Variants in GOLGA5 observed in about 807,000 individuals in gnomAD.
GOLGA5 encodes golgin A5.
In GOLGA5, 50 loss-of-function variants were observed where a neutral mutation model predicts 93.5. The ratio of observed to expected loss-of-function variants is 0.53; its 90% CI spans 0.43 to 0.68. The LOEUF (loss-of-function observed/expected upper bound fraction) is 0.68. Among genes scored for constraint, GOLGA5 ranks in the 30% least tolerant of loss-of-function variants. The pLI is 0.00. For synonymous variants in GOLGA5, 312 were observed against 304.5 expected, an observed-to-expected ratio of 1.02 and a Z score of -0.26; for missense variants, 760 against 856.4, an observed-to-expected ratio of 0.89 and a Z score of 1.40.
At chr14:92,822,575 T>C (rs1885337654) in intron 8 of GOLGA5, among the ~76,000 whole-genome samples, 1 of 152,212 alleles carries the variant, frequency 6.6e-6, no homozygotes, top group Admixed American at 6.5e-5. Flanking sequence ...GCCTTTTGTC[T>C]ATAATATGAA....
chr14:92,817,581 T>C (rs952666572), intron 7 of GOLGA5, among the ~76,000 whole-genome samples: 2 of 152,180 alleles, frequency 1.3e-5, no homozygotes, highest in African/African-American at 4.8e-5. Context: ...GACATAAATA[T>C]CGTAGGAAGG....
At chr14:92,818,665 C>G (rs1418956676) in intron 7 of GOLGA5, among the ~76,000 whole-genome samples, 1 of 152,188 alleles carries the variant, frequency 6.6e-6, no homozygotes, top group Non-Finnish European at 1.5e-5. Context: ...ATCTGGGCAT[C>G]TTGTTAGTCT....
At chr14:92,820,711 C>T (rs966544502) in intron 8 of GOLGA5, among the ~76,000 whole-genome samples, 7 of 152,140 alleles carry the variant, frequency 4.6e-5, no homozygotes, top group African/African-American at 9.7e-5. Context: ...CCTGGTTTAT[C>T]GAGACTGGAG....
intron 10 of GOLGA5, among the ~76,000 whole-genome samples, chr14:92,834,926 CTG>C (rs1346860472): frequency 1.3e-5 from 2 of 152,014 alleles, no homozygotes; most frequent in Admixed American, 1.3e-4. Context: ...TGAAGGTGGA[CTG>C]AGAATTTATT....
chr14:92,812,375 C>T (rs1196670593), intron 6 of GOLGA5, among the ~76,000 whole-genome samples: 1 of 152,162 alleles, frequency 6.6e-6, no homozygotes. Context: ...CCTTCTGGCT[C>T]AGCTTACTCA....
rs1884665675 is a variant in GOLGA5 at position 92,794,334 on chromosome 14, A to G, written c.-153A>G. 1 of 152,374 alleles carries G rather than the reference A, an allele frequency of 6.6e-6. No individual in the cohort carries two copies. The highest frequency in any genetic ancestry group is 2.1e-4 in the South Asian group (1 of 4,842). 9.4% of individuals were successfully genotyped at this position (152,374 alleles called of 1,614,324 possible). A position where few individuals can be genotyped will look rare whatever the true frequency, so the allele number is the denominator to read the frequency against. On this transcript the variant is annotated 5_prime_UTR_variant, in exon 1 of 13. Coordinates refer to ENST00000163416, the MANE Select transcript of GOLGA5 (RefSeq NM_005113.4). ...CCCTTCCACGTCTCCCGGAAGCGGT[A>G]GCAGGGCCCCGGCGGGTCGGGGAGG... is the stretch of plus-strand genomic sequence containing the variant.
intron 1 of GOLGA5, among the ~76,000 whole-genome samples, chr14:92,795,281 T>G (rs376897105): frequency 1.3e-5 from 2 of 152,212 alleles, no homozygotes; most frequent in Admixed American, 6.5e-5. Flanking sequence ...ATCTCCATTT[T>G]CATTTGATTT....
intron 2 of GOLGA5, among the ~76,000 whole-genome samples, chr14:92,799,982 G>T (rs1375970262): frequency 6.6e-6 from 1 of 152,156 alleles, no homozygotes; most frequent in South Asian, 2.1e-4. Context: ...TCATTGTCTT[G>T]GCTGTTAGTG....
intron 5 of GOLGA5, chr14:92,810,582 ATAGT>A (rs1426321232): frequency 1.7e-5 from 6 of 348,264 alleles, no homozygotes; most frequent in Middle Eastern, 7.3e-4. Flanking sequence ...GACAATTAAA[ATAGT>A]TAATGTGCAT....
intron 1 of GOLGA5, 91 bp from the exon 2 acceptor site, chr14:92,797,317 A>G: frequency 1.4e-6 from 1 of 708,802 alleles, no homozygotes. Context: ...TAGGATTTCA[A>G]CCCAGGATTG....
chr14:92,814,277 G>T (rs192101766), intron 6 of GOLGA5, among the ~76,000 whole-genome samples: 2 of 152,230 alleles, frequency 1.3e-5, no homozygotes, highest in East Asian at 3.9e-4. Flanking sequence ...TACTGAGAAG[G>T]TGAGTGGTCA....
chr14:92,815,697 A>AACTTT lies in GOLGA5; in HGVS notation c.1321-554_1321-553insACTTT, dbSNP rs1885187785. Among the ~76,000 whole-genome samples the AACTTT allele has an allele frequency of 4.5e-5, 6 of 132,312 alleles. No homozygotes were observed. In the Admixed American group the frequency reaches 5.2e-4, roughly 11 times the overall value. 86.8% of individuals were successfully genotyped at this position (132,312 alleles called of 152,430 possible). A position where few individuals can be genotyped will look rare whatever the true frequency, so the allele number is the denominator to read the frequency against. ...AATAAATAAACACAAATTTTTTTTA[A>AACTTT]TCTTTTTTTTTTTTTTTTTTTTTTT... On this transcript the variant is annotated intron_variant, in intron 6 of 12. Transcript: ENST00000163416.
chr14:92,798,044 C>A, intron 2 of GOLGA5, 63 bp downstream of exon 2: 2 of 1,063,796 alleles, frequency 1.9e-6, no homozygotes, highest in Non-Finnish European at 2.8e-6. Flanking sequence ...ATCATATGAT[C>A]CGATGGTGTT....
rs755394509 is a variant in GOLGA5 at position 92,837,452 on chromosome 14, A to G, written c.2115+3A>G. The G allele has an allele frequency of 7.9e-7, 1 of 1,269,954 alleles. No homozygotes were observed. The highest frequency in any genetic ancestry group is 1.1e-6 in the Non-Finnish European group (1 of 878,406). 78.7% of individuals were successfully genotyped at this position (1,269,954 alleles called of 1,614,324 possible). On this transcript the variant is annotated splice_donor_region_variant and intron_variant, in intron 12 of 12. Transcript: ENST00000163416. ...GAGTTTTTGTAATTATATATATGGTAAGTAAATTTATTTGAAAAAACAATG... is the reference window on the plus strand; with the variant it reads ...GAGTTTTTGTAATTATATATATGGTGAGTAAATTTATTTGAAAAAACAATG...
chr14:92,837,844 A>G (rs1885678802), intron 12 of GOLGA5, among the ~76,000 whole-genome samples: 1 of 152,188 alleles, frequency 6.6e-6, no homozygotes, highest in South Asian at 2.1e-4. Flanking sequence ...GATTTCAGGA[A>G]TGCGCCAACG....
chr14:92,833,442 A>T, intron 10 of GOLGA5, 95 bp downstream of exon 10: 2 of 879,816 alleles, frequency 2.3e-6, no homozygotes, highest in Non-Finnish European at 3.7e-6. Context: ...AACTTCATCC[A>T]GTGAAGGACT....
At chr14:92,821,510 G>T (rs560868880) in intron 8 of GOLGA5, among the ~76,000 whole-genome samples, 1 of 152,058 alleles carries the variant, frequency 6.6e-6, no homozygotes, top group African/African-American at 2.4e-5. Context: ...ATTGTTATAG[G>T]CATTTAGTAC....
In GOLGA5 at chr14:92,809,452, C is replaced by G. The variant is rs1315224425; in HGVS notation, c.925C>G (p.Gln309Glu). ...SQLAVLKVRL[Q>E]EADQLLSTRT... is the part of the protein sequence containing the mutation. Reference sequence around the variant, plus strand: ...GCTGGCTGTACTGAAAGTGAGACTCCAGGAAGCTGACCAGCTACTGAGTAC... The same window carrying G: ...GCTGGCTGTACTGAAAGTGAGACTCGAGGAAGCTGACCAGCTACTGAGTAC... Residue 309 changes from glutamine (Q) to glutamate (E), a missense_variant, in exon 4 of 13, where the codon CAG (glutamine) becomes GAG (glutamate). Transcript: ENST00000163416. 6.2e-7 allele frequency: 1 copy of G among 1,613,946 alleles called. No homozygotes were observed. Among genetic ancestry groups the G allele is most frequent in the Non-Finnish European group, 8.5e-7 (1 of 1,179,952 alleles).
At chr14:92,806,985 G>T in intron 3 of GOLGA5, 22 bp downstream of exon 3, 4 of 1,439,462 alleles carry the variant, frequency 2.8e-6, no homozygotes, top group Non-Finnish European at 3.9e-6. Flanking sequence ...AATTGTTCAG[G>T]ATTAGGAATT....
Sources: gnomAD v4.1 joint callset for allele counts (sites outside exome capture counted in the v4.1 genomes callset) on GRCh38, gnomAD v4.1.1 for gene constraint, MANE v1.5 for transcripts, NCBI Gene and HGNC (gene_info 2026-07-23, HGNC 2026-07-21) for gene names.